Variants in MRPS9 observed in about 807,000 individuals in gnomAD.
The protein encoded by MRPS9 is small ribosomal subunit protein uS9m.
Under a neutral mutation model 59.9 loss-of-function variants are expected in MRPS9, and 45 were observed. That is an observed-to-expected ratio of 0.75 (90% CI 0.59 to 0.96). MRPS9 has a LOEUF of 0.96. MRPS9 is among the 40% of genes least tolerant of loss of function. The probability of loss-of-function intolerance (pLI) is 0.00; values close to 1 mark genes in which losing one functional copy is unlikely to be tolerated. For missense variants in MRPS9, 473 were observed against 481.1 expected, an observed-to-expected ratio of 0.98 and a Z score of 0.16; for synonymous variants, 171 against 166.8, an observed-to-expected ratio of 1.03 and a Z score of -0.19.
chr2:105,090,429 C>T (rs1477179237), intron 7 of MRPS9, among the ~76,000 whole-genome samples: 1 of 152,204 alleles, frequency 6.6e-6, no homozygotes, highest in African/African-American at 2.4e-5. Context: ...CCTTGTGTGC[C>T]ATATCTGTAA....
chr2:105,041,700 G>A (rs1679505980), intron 1 of MRPS9, among the ~76,000 whole-genome samples: 1 of 152,082 alleles, frequency 6.6e-6, no homozygotes. Flanking sequence ...CAGATGCTCT[G>A]TACAGCTCTG....
At chr2:105,081,112 C>A (rs1680329978) in intron 5 of MRPS9, among the ~76,000 whole-genome samples, 1 of 152,176 alleles carries the variant, frequency 6.6e-6, no homozygotes, top group Non-Finnish European at 1.5e-5. Context: ...ATAGGTATGT[C>A]AAATCTGCCT....
At chr2:105,053,084 A>G (rs760550278) in intron 2 of MRPS9, among the ~76,000 whole-genome samples, 4 of 152,194 alleles carry the variant, frequency 2.6e-5, no homozygotes, top group Non-Finnish European at 5.9e-5. Context: ...ACCTTTTTGG[A>G]TGTACATGGG....
intron 4 of MRPS9, among the ~76,000 whole-genome samples, chr2:105,078,488 C>G (rs1295940921): frequency 6.6e-6 from 1 of 152,030 alleles, no homozygotes; most frequent in Non-Finnish European, 1.5e-5. Flanking sequence ...CAGTGAAAAT[C>G]AATTGCATAA....
At chr2:105,059,782 G>C (rs1679861513) in intron 2 of MRPS9, among the ~76,000 whole-genome samples, 1 of 151,848 alleles carries the variant, frequency 6.6e-6, no homozygotes, top group South Asian at 2.1e-4. Context: ...ATGCTTGGGG[G>C]CCCAAACCAC....
intron 1 of MRPS9, among the ~76,000 whole-genome samples, chr2:105,042,563 A>G (rs1193068021): frequency 6.6e-6 from 1 of 152,206 alleles, no homozygotes; most frequent in Non-Finnish European, 1.5e-5. Context: ...TCTTTCTTCT[A>G]TGGTTCTTAT....
At chr2:105,093,137 T>C (rs1035016323) in intron 8 of MRPS9, among the ~76,000 whole-genome samples, 2 of 152,226 alleles carry the variant, frequency 1.3e-5, no homozygotes, top group Admixed American at 6.5e-5. Context: ...CTACTAGTTA[T>C]ATTTCATCAT....
At chr2:105,075,519 A>G (rs1324110318) in intron 4 of MRPS9, among the ~76,000 whole-genome samples, 1 of 152,254 alleles carries the variant, frequency 6.6e-6, no homozygotes, top group African/African-American at 2.4e-5. Context: ...AACTATTGTT[A>G]TCATTTAAAC....
chr2:105,096,333 G>A (rs1366626885), intron 9 of MRPS9, among the ~76,000 whole-genome samples: 3 of 152,156 alleles, frequency 2.0e-5, no homozygotes, highest in African/African-American at 4.8e-5. Context: ...GAGCTTTTCT[G>A]CATAAAAGTG....
chr2:105,088,513 A>G (rs796664514), intron 5 of MRPS9, among the ~76,000 whole-genome samples: 26 of 152,272 alleles, frequency 1.7e-4, no homozygotes, highest in Non-Finnish European at 2.8e-4. Context: ...GGACTTCAAT[A>G]TTATTTAAAT....
intron 5 of MRPS9, among the ~76,000 whole-genome samples, chr2:105,083,017 C>T (rs1305690654): frequency 3.3e-5 from 5 of 152,156 alleles, no homozygotes; most frequent in Admixed American, 6.5e-5. Context: ...GGATCCCCTG[C>T]ATGGTGGCAC....
chr2:105,066,746 G>A (rs1680008436), intron 2 of MRPS9, among the ~76,000 whole-genome samples: 1 of 151,988 alleles, frequency 6.6e-6, no homozygotes, highest in Non-Finnish European at 1.5e-5. Flanking sequence ...TGGCTTCAGT[G>A]GTCCCTTTGC....
chr2:105,058,615 C>G (rs1020624708), intron 2 of MRPS9, among the ~76,000 whole-genome samples: 1 of 151,596 alleles, frequency 6.6e-6, no homozygotes, highest in Admixed American at 6.6e-5. Flanking sequence ...TTTCTTTTCT[C>G]TCAGCACTTT....
intron 1 of MRPS9, among the ~76,000 whole-genome samples, chr2:105,046,324 A>G (rs1361050223): frequency 1.3e-5 from 2 of 152,062 alleles, no homozygotes; most frequent in South Asian, 2.1e-4. Context: ...GGTGTAAGAC[A>G]TAAGTAACCT....
chr2:105,075,288 G>C (rs56013302), intron 4 of MRPS9, among the ~76,000 whole-genome samples: 30,103 of 152,010 alleles, frequency 0.2, 3,075 homozygotes, highest in Middle Eastern at 0.34. Context: ...GTAGAACCAA[G>C]TGCTCTTACT....
intron 5 of MRPS9, among the ~76,000 whole-genome samples, chr2:105,081,842 C>T (rs536958747): frequency 1.1e-4 from 17 of 152,138 alleles, no homozygotes; most frequent in Admixed American, 7.9e-4. Context: ...TAAGTGTATG[C>T]CTTATGCATA....
At chr2:105,057,556 A>G (rs1026490610) in intron 2 of MRPS9, among the ~76,000 whole-genome samples, 1 of 152,204 alleles carries the variant, frequency 6.6e-6, no homozygotes, top group Non-Finnish European at 1.5e-5. Flanking sequence ...AGTTTTCCTT[A>G]TTGACCCCAA....
chr2:105,093,691 C>A, intron 9 of MRPS9, 53 bp downstream of exon 9: 1 of 806,918 alleles, frequency 1.2e-6, no homozygotes, highest in Non-Finnish European at 2.0e-6. Flanking sequence ...CTTTATAATA[C>A]ATCATGATCA....
chr2:105,055,674 G>A (rs188246458), intron 2 of MRPS9, among the ~76,000 whole-genome samples: 50 of 152,312 alleles, frequency 3.3e-4, no homozygotes, highest in Non-Finnish European at 4.9e-4. Flanking sequence ...AAAGAGGACA[G>A]ACAGTGACAA....
Sources: allele counts gnomAD v4.1 joint callset (sites outside exome capture counted in the v4.1 genomes callset), GRCh38; gene constraint gnomAD v4.1.1; transcripts MANE v1.5; gene names NCBI Gene and HGNC (gene_info 2026-07-23, HGNC 2026-07-21).